NEBL: variants seen among roughly 807,000 people sequenced by gnomAD.
NEBL encodes the protein LIM and SH3 protein 2.
A neutral mutation model predicts 140.2 loss-of-function variants in NEBL; 122 were observed. The observed-to-expected ratio is 0.87, with a 90% confidence interval of 0.75 to 1.01. The LOEUF (loss-of-function observed/expected upper bound fraction) is 1.01. NEBL is among the 50% of genes least tolerant of loss of function. The pLI, the probability that NEBL is intolerant of heterozygous loss-of-function variation, is 0.00. For missense variants in NEBL, 1,365 were observed against 1,231.3 expected, an observed-to-expected ratio of 1.11 and a Z score of -1.62; for synonymous variants, 436 against 398.9, an observed-to-expected ratio of 1.09 and a Z score of -1.11.
intron 3 of NEBL, among the ~76,000 whole-genome samples, chr10:20,988,780 T>C (rs536917187): frequency 1.3e-5 from 2 of 152,322 alleles, no homozygotes; most frequent in East Asian, 3.9e-4. Flanking sequence ...CACCACACCA[T>C]GGAAACCACA....
intron 3 of NEBL, among the ~76,000 whole-genome samples, chr10:20,962,149 C>A (rs1836080441): frequency 6.6e-6 from 1 of 152,128 alleles, no homozygotes; most frequent in African/African-American, 2.4e-5. Context: ...TGATTATCAC[C>A]ATTAATACCA....
chr10:21,047,060 G>A (rs1834553052), intron 2 of NEBL, among the ~76,000 whole-genome samples: 1 of 152,186 alleles, frequency 6.6e-6, no homozygotes, highest in South Asian at 2.1e-4. Context: ...AGAATAAAAT[G>A]TGATGAATGT....
At chr10:20,860,101 G>C (rs1470869063) in intron 7 of NEBL, among the ~76,000 whole-genome samples, 1 of 152,010 alleles carries the variant, frequency 6.6e-6, no homozygotes, top group African/African-American at 2.4e-5. Flanking sequence ...TTAAATGTCA[G>C]TTTTCATTTC....
rs1174072992 is a variant in NEBL at position 20,782,208 on chromosome 10, A to C, written c.*3539T>G. 1.3e-5 allele frequency: 2 copies of C among 152,610 alleles called. No homozygotes were observed. Among genetic ancestry groups the C allele is most frequent in the African/African-American group, 4.8e-5 (2 of 41,450 alleles). 9.5% of individuals were successfully genotyped at this position (152,610 alleles called of 1,614,324 possible). ...CACAAAAATATCAATCATGTGTAAT[A>C]AAATATTACTATAGAATAGGCAGCA... On this transcript the variant is annotated 3_prime_UTR_variant, in exon 28 of 28. Coordinates refer to ENST00000377122, the MANE Select transcript of NEBL (RefSeq NM_006393.3).
intron 3 of NEBL, among the ~76,000 whole-genome samples, chr10:21,182,280 T>C (rs964585635): frequency 1.3e-5 from 2 of 151,904 alleles, no homozygotes; most frequent in Non-Finnish European, 2.9e-5. Flanking sequence ...GAGACCAGCC[T>C]GGGCAACAAA....
At chr10:20,841,570 A>G (rs1423316024) in intron 12 of NEBL, 1 of 152,256 alleles carries the variant, frequency 6.6e-6, no homozygotes, top group Non-Finnish European at 1.5e-5. Context: ...AATCATCCAT[A>G]GATAATGAAA....
intron 3 of NEBL, among the ~76,000 whole-genome samples, chr10:21,209,658 T>C (rs1841885410): frequency 1.3e-5 from 2 of 150,500 alleles, no homozygotes; most frequent in African/African-American, 5.0e-5. Context: ...CTTTTTTTTT[T>C]TTCTTTTTTT....
intron 2 of NEBL, among the ~76,000 whole-genome samples, chr10:21,159,314 G>A (rs992240625): frequency 2.0e-5 from 3 of 152,010 alleles, no homozygotes; most frequent in Non-Finnish European, 2.9e-5. Context: ...GGCACACATC[G>A]TTTATCTTAG....
intron 12 of NEBL, among the ~76,000 whole-genome samples, chr10:20,844,966 A>G (rs562465085): frequency 4.6e-5 from 7 of 152,216 alleles, no homozygotes; most frequent in African/African-American, 1.7e-4. Context: ...ATAAAGCTAT[A>G]AAACTATTTA....
intron 26 of NEBL, 90 bp from the exon 27 acceptor site, chr10:20,787,398 C>T: frequency 3.0e-6 from 3 of 1,016,176 alleles, no homozygotes; most frequent in Non-Finnish European, 4.5e-6. Context: ...TTATGCTCTG[C>T]TAGAAGCTTC....
At chr10:20,943,229 C>T (rs570589160) in intron 4 of NEBL, among the ~76,000 whole-genome samples, 91 of 152,298 alleles carry the variant, frequency 6.0e-4, no homozygotes, top group African/African-American at 2.1e-3. Flanking sequence ...GAAAATGTGG[C>T]ACATATACAC....
intron 2 of NEBL, among the ~76,000 whole-genome samples, chr10:21,154,649 G>A (rs569192011): frequency 6.6e-6 from 1 of 152,264 alleles, no homozygotes; most frequent in Admixed American, 6.5e-5. Flanking sequence ...CTAAAGAGAT[G>A]CTGGATGTGC....
At chr10:20,889,054 G>T (rs1799425171) in intron 3 of NEBL, among the ~76,000 whole-genome samples, 1 of 152,190 alleles carries the variant, frequency 6.6e-6, no homozygotes, top group African/African-American at 2.4e-5. Context: ...ATTCAAAATT[G>T]TTTCGCATTA....
rs147112592 is a variant in NEBL at position 21,277,152 on chromosome 10, C to T, written n.182+15678G>A. On this transcript the variant is annotated intron_variant and non_coding_transcript_variant, in intron 1 of 8. Transcript: ENST00000675702. Reference sequence around the variant, plus strand: ...TCAAAAACAAAAACAAAAAAAAACACGATTGCTCATGCCTGCAGGTATATA... The same window carrying T: ...TCAAAAACAAAAACAAAAAAAAACATGATTGCTCATGCCTGCAGGTATATA... 6.0e-3 allele frequency among the ~76,000 whole-genome samples: 909 copies of T among 151,652 alleles called. 10 individuals carry two copies. Among genetic ancestry groups the T allele is most frequent in the Middle Eastern group, 0.01 (3 of 288 alleles).
intron 2 of NEBL, among the ~76,000 whole-genome samples, chr10:21,085,200 G>C: frequency 6.6e-6 from 1 of 152,148 alleles, no homozygotes; most frequent in Non-Finnish European, 1.5e-5. Flanking sequence ...TGCTAATCTT[G>C]AAACATTTAT....
intron 3 of NEBL, among the ~76,000 whole-genome samples, chr10:21,228,338 A>G (rs1589338211): frequency 6.6e-6 from 1 of 152,018 alleles, no homozygotes; most frequent in Non-Finnish European, 1.5e-5. Context: ...ACTTTTTTAT[A>G]GAAATGGGGT....
At chr10:21,061,240 T>TATATTACATATTATGTGATATGTTAC (rs1835264916) in intron 2 of NEBL, among the ~76,000 whole-genome samples, 1 of 72,706 alleles carries the variant, frequency 1.4e-5, no homozygotes, top group African/African-American at 5.4e-5. Flanking sequence ...TATATTGTGA[T>TATATTACATATTATGTGATATGTTAC]ATATTACATA....
At chr10:21,235,584 G>A (rs1162607488) in intron 3 of NEBL, among the ~76,000 whole-genome samples, 5 of 152,110 alleles carry the variant, frequency 3.3e-5, no homozygotes, top group Non-Finnish European at 7.4e-5. Flanking sequence ...CAAAGTGCTG[G>A]GATAACAGGC....
At chr10:20,796,104 C>T (rs1395471307) in intron 26 of NEBL, among the ~76,000 whole-genome samples, 1 of 152,084 alleles carries the variant, frequency 6.6e-6, no homozygotes, top group Non-Finnish European at 1.5e-5. Context: ...TGGCTCATGC[C>T]TCCAATCCCA....
Sources: allele counts gnomAD v4.1 joint callset (sites outside exome capture counted in the v4.1 genomes callset), GRCh38; gene constraint gnomAD v4.1.1; transcripts MANE v1.5; gene names NCBI Gene and HGNC (gene_info 2026-07-23, HGNC 2026-07-21).